ANKMY2: variants seen among roughly 807,000 people sequenced by gnomAD.
ANKMY2 encodes ankyrin repeat and MYND domain-containing protein 2.
ANKMY2 carries 36 observed loss-of-function variants against 50.4 expected under a neutral mutation model. The ratio of observed to expected loss-of-function variants is 0.71; its 90% CI spans 0.55 to 0.94. The LOEUF (loss-of-function observed/expected upper bound fraction) is 0.94, where lower values mean the gene tolerates loss of function less well. ANKMY2 is among the 40% of genes least tolerant of loss of function. ANKMY2 has a pLI of 0.00. For missense variants in ANKMY2, 565 were observed against 524.0 expected (o/e 1.08, Z -0.76); for synonymous variants, 187 against 178.8 (o/e 1.05, Z -0.36).
intron 2 of ANKMY2, among the ~76,000 whole-genome samples, chr7:16,635,837 T>G (rs191943265): frequency 1.4e-3 from 212 of 152,336 alleles, no homozygotes; most frequent in Non-Finnish European, 2.6e-3. Context: ...AGTCCATTTT[T>G]CCCCATGCTT....
chr7:16,610,307 C>T (rs900731262), intron 6 of ANKMY2, among the ~76,000 whole-genome samples: 2 of 152,120 alleles, frequency 1.3e-5, no homozygotes, highest in African/African-American at 4.8e-5. Context: ...CCTCTCCAAA[C>T]CTCAGATTCC....
At chr7:16,633,816 T>C (rs995626706) in intron 2 of ANKMY2, among the ~76,000 whole-genome samples, 2 of 152,144 alleles carry the variant, frequency 1.3e-5, no homozygotes, top group Non-Finnish European at 2.9e-5. Context: ...ATTTAATCTG[T>C]TAGTTTCTAA....
intron 7 of ANKMY2, among the ~76,000 whole-genome samples, chr7:16,608,423 G>A (rs1169173851): frequency 2.0e-5 from 3 of 152,130 alleles, no homozygotes; most frequent in Non-Finnish European, 1.5e-5. Flanking sequence ...TTCTGCTCAG[G>A]TCTTTCTTGT....
At chr7:16,617,641 C>T (rs1410236415) in intron 4 of ANKMY2, among the ~76,000 whole-genome samples, 1 of 152,118 alleles carries the variant, frequency 6.6e-6, no homozygotes, top group East Asian at 1.9e-4. Context: ...AAGAGGTGAT[C>T]CTGGTTACTA....
Position 16,645,387 on chromosome 7 carries a change from C to G in ANKMY2, c.67+120G>C, listed in dbSNP as rs559702464. 8 of 977,650 alleles carry G rather than the reference C, an allele frequency of 8.2e-6. No homozygotes were observed. In the East Asian group the frequency reaches 2.3e-4, roughly 28 times the overall value. The allele number at this position is 977,650 out of a possible 1,614,324, so 60.6% of individuals were successfully genotyped here. On this transcript the variant is annotated intron_variant, in intron 1 of 9. Transcript: ENST00000306999. ...AAGGGAGAAACGCTCTTTCCCGGTT[C>G]CAGGCTGCAAACCTTGCAGAACCGC...
At chr7:16,626,977 G>A (rs1781514919) in intron 3 of ANKMY2, 63 bp downstream of exon 3, 3 of 1,255,862 alleles carry the variant, frequency 2.4e-6, no homozygotes, top group Non-Finnish European at 2.1e-6. Context: ...TAATCTTTTA[G>A]TATATATGTA....
chr7:16,644,889 G>A, intron 1 of ANKMY2: 1 of 349,150 alleles, frequency 2.9e-6, no homozygotes, highest in South Asian at 2.1e-5. Flanking sequence ...CGAGGGGTGG[G>A]TGTGGAGGCC....
intron 8 of ANKMY2, among the ~76,000 whole-genome samples, 163 bp downstream of exon 8, chr7:16,604,558 T>C (rs1781121855): frequency 6.6e-6 from 1 of 152,234 alleles, no homozygotes; most frequent in South Asian, 2.1e-4. Context: ...TTGATCCTAT[T>C]AATTCTTTTC....
intron 3 of ANKMY2, among the ~76,000 whole-genome samples, chr7:16,625,861 A>AT (rs1287905309): frequency 6.6e-6 from 1 of 151,650 alleles, no homozygotes; most frequent in Non-Finnish European, 1.5e-5. Flanking sequence ...TCTAATTTGC[A>AT]TTTTTTTGAT....
intron 1 of ANKMY2, among the ~76,000 whole-genome samples, chr7:16,638,867 T>G (rs1194388637): frequency 1.3e-5 from 2 of 152,164 alleles, no homozygotes; most frequent in Non-Finnish European, 2.9e-5. Flanking sequence ...AGCACCCCAT[T>G]GTTCAGGAGA....
intron 4 of ANKMY2, among the ~76,000 whole-genome samples, chr7:16,621,631 G>A (rs1433859355): frequency 6.6e-6 from 1 of 152,098 alleles, no homozygotes; most frequent in African/African-American, 2.4e-5. Context: ...CCCACTTTTA[G>A]CAAAACAAGA....
intron 8 of ANKMY2, 99 bp downstream of exon 8, chr7:16,604,622 G>C: frequency 6.9e-7 from 1 of 1,443,208 alleles, no homozygotes; most frequent in Non-Finnish European, 9.3e-7. Context: ...GAATTTATTA[G>C]AAAACTAATG....
intron 5 of ANKMY2, among the ~76,000 whole-genome samples, chr7:16,612,422 G>A (rs1275080737): frequency 6.6e-6 from 1 of 152,152 alleles, no homozygotes; most frequent in African/African-American, 2.4e-5. Context: ...AATGAAGTAA[G>A]TATAATCAGA....
At chr7:16,628,649 A>G (rs987166995) in intron 2 of ANKMY2, among the ~76,000 whole-genome samples, 1 of 152,194 alleles carries the variant, frequency 6.6e-6, no homozygotes, top group Non-Finnish European at 1.5e-5. Context: ...AAAGGATGAT[A>G]GAATCTGTCC....
intron 5 of ANKMY2, among the ~76,000 whole-genome samples, chr7:16,611,661 G>A (rs1781255454): frequency 6.6e-6 from 1 of 152,182 alleles, no homozygotes; most frequent in Non-Finnish European, 1.5e-5. Flanking sequence ...AAGCCTGAAA[G>A]CCAAGCTACA....
rs971881137 is a variant in ANKMY2, at chr7:16,605,646, C to T, written c.883-797G>A. Reference sequence around the variant, plus strand: ...CTCAGTAGCTGGGATTGCAGGCGCCCGCCACTACGCCCAGCTAATTTTTTG... The same window carrying T: ...CTCAGTAGCTGGGATTGCAGGCGCCTGCCACTACGCCCAGCTAATTTTTTG... On this transcript the variant is annotated intron_variant, in intron 7 of 9. Coordinates refer to ENST00000306999, the MANE Select transcript of ANKMY2 (RefSeq NM_020319.3). Among the ~76,000 whole-genome samples, 32 of 151,060 alleles carry T rather than the reference C, an allele frequency of 2.1e-4. No individual in the cohort carries two copies. In the East Asian group the frequency reaches 3.9e-3, roughly 18 times the overall value.
intron 4 of ANKMY2, among the ~76,000 whole-genome samples, chr7:16,616,986 G>C (rs1781364629): frequency 6.6e-6 from 1 of 152,324 alleles, no homozygotes; most frequent in African/African-American, 2.4e-5. Context: ...GGAGTGGCAG[G>C]CTTCATCCTT....
intron 3 of ANKMY2, among the ~76,000 whole-genome samples, chr7:16,625,414 A>G (rs1781494502): frequency 6.6e-6 from 1 of 152,238 alleles, no homozygotes; most frequent in Non-Finnish European, 1.5e-5. Flanking sequence ...TTTTTTAAAA[A>G]GAGATAAAAT....
intron 8 of ANKMY2, among the ~76,000 whole-genome samples, chr7:16,604,276 T>A (rs989035890): frequency 6.6e-6 from 1 of 152,216 alleles, no homozygotes; most frequent in Non-Finnish European, 1.5e-5. Context: ...GATTAAAGAC[T>A]GGTAACAGTC....
Sources: allele counts gnomAD v4.1 joint callset (sites outside exome capture counted in the v4.1 genomes callset), GRCh38; gene constraint gnomAD v4.1.1; transcripts MANE v1.5; gene names NCBI Gene and HGNC (gene_info 2026-07-23, HGNC 2026-07-21).